CHD1: variants seen among roughly 807,000 people sequenced by gnomAD.
CHD1 encodes the protein chromodomain helicase DNA binding protein 1, also known as ATP-dependent chromatin remodeler CHD1.
CHD1 carries 36 observed loss-of-function variants against 224.2 expected under a neutral mutation model. That is an observed-to-expected ratio of 0.16 (90% CI 0.12 to 0.21). The LOEUF (loss-of-function observed/expected upper bound fraction) is 0.21. Ranked by LOEUF, CHD1 falls within the 10% of genes least tolerant of loss-of-function variation. The pLI is 1.00. For synonymous variants in CHD1, 668 were observed against 658.3 expected (o/e 1.01, Z -0.23); for missense variants, 1,378 against 1,994.8 (o/e 0.69, Z 5.89).
At chr5:98,907,389 G>A (rs756497090) in intron 2 of CHD1, among the ~76,000 whole-genome samples, 1 of 152,138 alleles carries the variant, frequency 6.6e-6, no homozygotes, top group Non-Finnish European at 1.5e-5. Flanking sequence ...GGGAGTTCGA[G>A]ACCAGTCTGA....
At chr5:98,883,639 G>GA (rs1719641358) in intron 18 of CHD1, among the ~76,000 whole-genome samples, 1 of 151,578 alleles carries the variant, frequency 6.6e-6, no homozygotes, top group South Asian at 2.1e-4. Context: ...GTCATTACAT[G>GA]AAAAAGATAC....
rs755660753 is a variant in CHD1 at position 98,898,716 on chromosome 5, T to C, written c.1134A>G (p.Gln378=). The change falls in exon 9 of 36, where the codon CAA becomes CAG. Residue 378 remains glutamine (Q), a synonymous_variant. Transcript: ENST00000614616. ...PEDVEYYNCQ[Q]ELTDDLHKQY... ...GTTTATGTAGATCATCTGTAAGTTC[T>C]TGCTGGCAATTATAATATTCCACAT... is the stretch of plus-strand genomic sequence containing the variant. The C allele has an allele frequency of 2.5e-6, 4 of 1,599,966 alleles. No individual in the cohort carries two copies. The highest frequency in any genetic ancestry group is 2.2e-5 in the South Asian group (2 of 90,642).
At chr5:98,898,601 T>C (rs530463509) in intron 9 of CHD1, 63 bp downstream of exon 9, 150 of 1,287,568 alleles carry the variant, frequency 1.2e-4, no homozygotes, top group Middle Eastern at 6.4e-4. Context: ...GGCAAACTTA[T>C]GACTTTTTTC....
rs1405388884 is a variant in CHD1 at position 98,869,746 on chromosome 5, A to C, written c.4107+8T>G. On this transcript the variant is annotated splice_region_variant and intron_variant, in intron 30 of 35. Coordinates refer to ENST00000614616, the MANE Select transcript of CHD1 (RefSeq NM_001270.4). ...AGAAAAGGTTGTTGTTCTAAAACAC[A>C]TTCTTACTTTATCATCATCTTCATC... is the stretch of plus-strand genomic sequence containing the variant. The C allele has an allele frequency of 1.2e-6, 2 of 1,612,924 alleles. No homozygotes were observed. The highest frequency in any genetic ancestry group is 1.7e-6 in the Non-Finnish European group (2 of 1,179,496).
chr5:98,907,743 A>G (rs1463435919), intron 2 of CHD1, among the ~76,000 whole-genome samples: 1 of 152,036 alleles, frequency 6.6e-6, no homozygotes, highest in Non-Finnish European at 1.5e-5. Flanking sequence ...ATTTGCTTGT[A>G]TTTTTTGAAA....
At chr5:98,920,671 C>A (rs535736746) in intron 2 of CHD1, among the ~76,000 whole-genome samples, 51 of 152,224 alleles carry the variant, frequency 3.4e-4, no homozygotes, top group Non-Finnish European at 5.1e-4. Context: ...GTGGTGCACA[C>A]CTGTAGTCCC....
intron 18 of CHD1, among the ~76,000 whole-genome samples, chr5:98,884,812 G>C (rs1750531276): frequency 6.6e-6 from 1 of 151,232 alleles, no homozygotes; most frequent in African/African-American, 2.4e-5. Flanking sequence ...AAACTCCTGA[G>C]CTAAGTGATC....
chr5:98,901,426 T>C, intron 5 of CHD1, 91 bp from the exon 6 acceptor site: 1 of 996,014 alleles, frequency 1.0e-6, no homozygotes, highest in Non-Finnish European at 1.4e-6. Context: ...CCAAACTATA[T>C]TCGCTATCAA....
chr5:98,876,359 C>G, intron 24 of CHD1, 39 bp downstream of exon 24: 1 of 1,594,762 alleles, frequency 6.3e-7, no homozygotes. Flanking sequence ...TCACACTCTA[C>G]TAAAACCAAG....
chr5:98,876,799 A>C (rs2112359869), intron 23 of CHD1, among the ~76,000 whole-genome samples: 1 of 152,340 alleles, frequency 6.6e-6, no homozygotes, highest in African/African-American at 2.4e-5. Context: ...ACGCAGCAAC[A>C]TAACCTCTAG....
intron 2 of CHD1, among the ~76,000 whole-genome samples, chr5:98,917,675 G>A (rs1343867241): frequency 2.0e-5 from 3 of 152,172 alleles, no homozygotes; most frequent in Admixed American, 1.3e-4. Flanking sequence ...GAGAGATACT[G>A]TAGACACTGA....
intron 2 of CHD1, 53 bp downstream of exon 2, chr5:98,926,281 C>A: frequency 8.9e-7 from 1 of 1,118,436 alleles, no homozygotes. Context: ...AGAAAAAAGT[C>A]AAGTTTTCAA....
intron 2 of CHD1, among the ~76,000 whole-genome samples, chr5:98,909,382 T>C (rs1752246972): frequency 6.6e-6 from 1 of 152,212 alleles, no homozygotes; most frequent in Non-Finnish European, 1.5e-5. Context: ...TACGTGGTGT[T>C]GTGGACTTCT....
rs775517201 is a variant in CHD1, at chr5:98,870,750, A to G, written c.3915T>C (p.Arg1305=). The G allele has an allele frequency of 1.9e-6, 3 of 1,612,824 alleles. No individual in the cohort carries two copies. Among genetic ancestry groups the G allele is most frequent in the East Asian group, 2.2e-5 (1 of 44,796 alleles). The part of the protein sequence containing the change: ...KKPQAKQLQT[R]ADYLIKLLSR... The stretch of plus-strand genomic sequence containing the variant: ...TAAGTAATTTGATGAGGTAGTCTGC[A>G]CGGGTCTGCAACTGTTTTGCTTGTG... Residue 1305 remains arginine, a synonymous_variant, in exon 29 of 36, where the codon CGT becomes CGC. Transcript: ENST00000614616.
At position 98,870,821 on chromosome 5, in the gene CHD1, T is replaced by C. The variant is rs867571411; in HGVS notation, c.3862-18A>G. 2.7e-6 allele frequency: 4 copies of C among 1,507,126 alleles called. No individual in the cohort carries two copies. The Middle Eastern group carries it at 6.9e-4, about 259-fold the overall frequency. The allele number at this position is 1,507,126 out of a possible 1,614,324, so 93.4% of individuals were successfully genotyped here. ...GGAAGAATCTGAAAAAGCAATAAATTTTTTCAGATTGTCTTAATAAATAAC... is the reference window on the plus strand; with the variant it reads ...GGAAGAATCTGAAAAAGCAATAAATCTTTTCAGATTGTCTTAATAAATAAC... On this transcript the variant is annotated intron_variant, in intron 28 of 35. Transcript: ENST00000614616.
At position 98,855,629 on chromosome 5, in the gene CHD1, T is replaced by G. The variant is rs1294911629; in HGVS notation, c.*751A>C. 6.6e-6 allele frequency: 1 copy of G among 151,158 alleles called. No individual in the cohort carries two copies. Among genetic ancestry groups the G allele is most frequent in the Non-Finnish European group, 1.5e-5 (1 of 67,818 alleles). 9.4% of individuals were successfully genotyped at this position (151,158 alleles called of 1,614,324 possible). ...CCCATTTTTACATTCTAAACAATGA[T>G]TCCATCAAGACAAATCATTAAAAAG... On this transcript the variant is annotated 3_prime_UTR_variant, in exon 36 of 36. Coordinates refer to ENST00000614616, the MANE Select transcript of CHD1 (RefSeq NM_001270.4).
At chr5:98,893,343 C>A in intron 14 of CHD1, 73 bp downstream of exon 14, 1 of 1,000,182 alleles carries the variant, frequency 1.0e-6, no homozygotes, top group Non-Finnish European at 1.4e-6. Context: ...CTCTTACTGA[C>A]CTTATTACCT....
chr5:98,904,514 T>C (rs1040659704), intron 3 of CHD1, among the ~76,000 whole-genome samples: 2 of 152,220 alleles, frequency 1.3e-5, no homozygotes, highest in Admixed American at 6.5e-5. Flanking sequence ...ATTCTGCTAG[T>C]AGCAATAAAG....
chr5:98,902,228 T>G (rs1192563117), intron 5 of CHD1, among the ~76,000 whole-genome samples: 1 of 151,962 alleles, frequency 6.6e-6, no homozygotes, highest in East Asian at 1.9e-4. Flanking sequence ...AATCCAAAGA[T>G]AAATGATTGA....
Sources: allele counts gnomAD v4.1 joint callset (sites outside exome capture counted in the v4.1 genomes callset), GRCh38; gene constraint gnomAD v4.1.1; transcripts MANE v1.5; gene names NCBI Gene and HGNC (gene_info 2026-07-23, HGNC 2026-07-21).